DPY19L2: variants seen among roughly 807,000 people sequenced by gnomAD.
DPY19L2 encodes probable C-mannosyltransferase DPY19L2.
In DPY19L2, 34 loss-of-function variants were observed where a neutral mutation model predicts 97.9. The ratio of observed to expected loss-of-function variants is 0.35; its 90% CI spans 0.26 to 0.46. The LOEUF (loss-of-function observed/expected upper bound fraction) is 0.46. Ranked by LOEUF, DPY19L2 falls within the 20% of genes least tolerant of loss-of-function variation. DPY19L2 has a pLI of 1.00. For missense variants in DPY19L2, 623 were observed against 911.4 expected, an observed-to-expected ratio of 0.68 and a Z score of 4.07; for synonymous variants, 230 against 307.9, an observed-to-expected ratio of 0.75 and a Z score of 2.65.
chr12:63,565,099 C>T (rs1242578518), intron 21 of DPY19L2, among the ~76,000 whole-genome samples: 1 of 152,144 alleles, frequency 6.6e-6, no homozygotes, highest in African/African-American at 2.4e-5. Context: ...CTTTTAACCT[C>T]TTCGTTTCTT....
At chr12:63,667,904 T>G (rs1212204141) in intron 1 of DPY19L2, among the ~76,000 whole-genome samples, 153 bp downstream of exon 1, 2 of 152,154 alleles carry the variant, frequency 1.3e-5, no homozygotes, top group African/African-American at 4.8e-5. Context: ...CCTGGTTCAA[T>G]GACAAGATCT....
In DPY19L2 at chr12:63,665,114, G is replaced by A. The variant is rs1254379830; in HGVS notation, c.362+721C>T. ...CATTTAACTCTGTACACCCACTGCA[G>A]AATCTTTATCTTCTTTTTTACCTGA... On this transcript the variant is annotated intron_variant, in intron 2 of 21. Coordinates refer to ENST00000324472, the MANE Select transcript of DPY19L2 (RefSeq NM_173812.5). 2.0e-5 allele frequency among the ~76,000 whole-genome samples: 3 copies of A among 152,204 alleles called. No individual in the cohort carries two copies. In the East Asian group the frequency reaches 5.8e-4, roughly 29 times the overall value.
At chr12:63,589,333 A>G (rs1858812180) in intron 16 of DPY19L2, among the ~76,000 whole-genome samples, 1 of 130,922 alleles carries the variant, frequency 7.6e-6, no homozygotes. Context: ...AAGTTTGGTA[A>G]TGTGGCTAGA....
intron 12 of DPY19L2, among the ~76,000 whole-genome samples, chr12:63,602,786 A>T (rs553233439): frequency 7.9e-5 from 12 of 152,298 alleles, no homozygotes; most frequent in African/African-American, 2.9e-4. Context: ...CAAGAATTTT[A>T]TATCTAGCCA....
chr12:63,667,069 T>A (rs1364290912), intron 1 of DPY19L2, among the ~76,000 whole-genome samples: 2 of 152,202 alleles, frequency 1.3e-5, no homozygotes, highest in East Asian at 3.8e-4. Context: ...ACTTGTTTTA[T>A]ACCAGGATAG....
intron 11 of DPY19L2, among the ~76,000 whole-genome samples, chr12:63,610,874 A>C (rs150204891): frequency 4.1e-4 from 43 of 105,304 alleles, no homozygotes; most frequent in African/African-American, 1.3e-3. Context: ...AAAAAAAAAA[A>C]ACCACACACA....
At position 63,559,396 on chromosome 12, in the gene DPY19L2, T is replaced by C. The variant is rs1481036511; in HGVS notation, c.*1116A>G. On this transcript the variant is annotated 3_prime_UTR_variant, in exon 22 of 22. Coordinates refer to ENST00000324472, the MANE Select transcript of DPY19L2 (RefSeq NM_173812.5). ...CATTTAAAGTAGATGCACATTAAAATACTATAGATCTGGCATATTTCATAT... is the reference window on the plus strand; with the variant it reads ...CATTTAAAGTAGATGCACATTAAAACACTATAGATCTGGCATATTTCATAT... 6.6e-6 allele frequency: 1 copy of C among 152,402 alleles called. No homozygotes were observed. The highest frequency in any genetic ancestry group is 1.5e-5 in the Non-Finnish European group (1 of 68,018). The allele number at this position is 152,402 out of a possible 1,614,324, so 9.4% of individuals were successfully genotyped here.
chr12:63,623,084 CATT>C (rs1455667155), intron 8 of DPY19L2, among the ~76,000 whole-genome samples: 6 of 151,864 alleles, frequency 4.0e-5, no homozygotes, highest in African/African-American at 1.5e-4. Flanking sequence ...AGATAGTGAT[CATT>C]ATTTCATTCA....
At chr12:63,594,946 G>A (rs1417242767) in intron 15 of DPY19L2, among the ~76,000 whole-genome samples, 1 of 152,126 alleles carries the variant, frequency 6.6e-6, no homozygotes, top group Non-Finnish European at 1.5e-5. Flanking sequence ...AGCATGGGCC[G>A]AAAGGATGCA....
At chr12:63,606,441 G>A (rs1886055125) in intron 12 of DPY19L2, among the ~76,000 whole-genome samples, 1 of 152,000 alleles carries the variant, frequency 6.6e-6, no homozygotes, top group Non-Finnish European at 1.5e-5. Flanking sequence ...CATTATAAAT[G>A]GGTGTTCAAT....
At chr12:63,603,596 C>T (rs1258157907) in intron 12 of DPY19L2, among the ~76,000 whole-genome samples, 2 of 152,116 alleles carry the variant, frequency 1.3e-5, no homozygotes, top group Admixed American at 1.3e-4. Context: ...TGTTCAGCTC[C>T]CACTTATAAG....
Position 63,634,077 on chromosome 12 carries a change from G to T in DPY19L2, c.804-7551C>A, listed in dbSNP as rs540966736. Among the ~76,000 whole-genome samples the T allele has an allele frequency of 1.5e-4, 22 of 150,766 alleles. 1 individual carries two copies. The highest frequency in any genetic ancestry group is 4.2e-4 in the South Asian group (2 of 4,728). ...GGGGCCTATTGTAGGGTGCGGGGAA[G>T]GGGGAGGGATAGCATTTGGAGATAT... On this transcript the variant is annotated intron_variant, in intron 6 of 21. Transcript: ENST00000324472.
chr12:63,592,817 C>A (rs1883370056), intron 16 of DPY19L2, among the ~76,000 whole-genome samples: 1 of 152,102 alleles, frequency 6.6e-6, no homozygotes, highest in South Asian at 2.1e-4. Flanking sequence ...ACAGCTTCTG[C>A]ACAGCAAAAG....
intron 6 of DPY19L2, among the ~76,000 whole-genome samples, chr12:63,642,285 C>T (rs1467910372): frequency 6.6e-6 from 1 of 152,096 alleles, no homozygotes; most frequent in African/African-American, 2.4e-5. Flanking sequence ...TCTTCACTCA[C>T]TTTGTGGTTT....
At position 63,589,642 on chromosome 12, in the gene DPY19L2, A is replaced by C. The variant is rs116505619; in HGVS notation, c.1580+4445T>G. Among the ~76,000 whole-genome samples the C allele has an allele frequency of 6.0e-3, 910 of 152,154 alleles. 9 individuals carry two copies. The highest frequency in any genetic ancestry group is 0.02 in the African/African-American group (844 of 41,534). On this transcript the variant is annotated intron_variant, in intron 16 of 21. Transcript: ENST00000324472. ...CACTTATGAAAGAAAATATGAAAAA[A>C]AATTTTCATGTTTTTCGTATAGGGA...
intron 4 of DPY19L2, among the ~76,000 whole-genome samples, chr12:63,657,290 T>A (rs1895094785): frequency 6.6e-6 from 1 of 152,212 alleles, no homozygotes; most frequent in South Asian, 2.1e-4. Flanking sequence ...TGATTTCAAA[T>A]TCCTCTAGTG....
chr12:63,577,263 T>C (rs951330211), intron 19 of DPY19L2, among the ~76,000 whole-genome samples: 3 of 152,032 alleles, frequency 2.0e-5, no homozygotes, highest in Non-Finnish European at 4.4e-5. Context: ...CCCCTATCTC[T>C]TGCCATATAC....
intron 6 of DPY19L2, among the ~76,000 whole-genome samples, chr12:63,640,674 C>A (rs1049147160): frequency 9.9e-5 from 15 of 152,154 alleles, no homozygotes; most frequent in Middle Eastern, 6.8e-3. Context: ...TCTGTATATC[C>A]TTCTTAAAGA....
rs974051897 is a variant in DPY19L2 at position 63,559,634 on chromosome 12, C to G, written c.*878G>C. The G allele has an allele frequency of 5.9e-5, 9 of 152,448 alleles. No individual in the cohort carries two copies. The highest frequency in any genetic ancestry group is 2.2e-4 in the African/African-American group (9 of 41,566). The allele number at this position is 152,448 out of a possible 1,614,324, so 9.4% of individuals were successfully genotyped here. A position where few individuals can be genotyped will look rare whatever the true frequency, so the allele number is the denominator to read the frequency against. On this transcript the variant is annotated 3_prime_UTR_variant, in exon 22 of 22. Coordinates refer to ENST00000324472, the MANE Select transcript of DPY19L2 (RefSeq NM_173812.5). ...GGCCAGAAATAAAGACCATGACCAA[C>G]AAGCTTTGGGGCCATCAAGATGAAA...
Sources: allele counts gnomAD v4.1 joint callset (sites outside exome capture counted in the v4.1 genomes callset), GRCh38; gene constraint gnomAD v4.1.1; transcripts MANE v1.5; gene names NCBI Gene and HGNC (gene_info 2026-07-23, HGNC 2026-07-21).